Variants in UGT1A6 observed in about 807,000 individuals in gnomAD.
UGT1A6 encodes the protein UDP-glucuronosyltransferase 1A6.
A neutral mutation model predicts 44.4 loss-of-function variants in UGT1A6; 32 were observed. That is an observed-to-expected ratio of 0.72 (90% CI 0.54 to 0.97). UGT1A6 has a LOEUF of 0.97. Among genes scored for constraint, UGT1A6 ranks in the 50% least tolerant of loss-of-function variants. The pLI, the probability that UGT1A6 is intolerant of heterozygous loss-of-function variation, is 0.00. For missense variants in UGT1A6, 685 were observed against 661.9 expected (o/e 1.03, Z -0.38); for synonymous variants, 238 against 248.5 (o/e 0.96, Z 0.40).
intron 1 of UGT1A6, chr2:233,729,698 C>T: frequency 6.2e-7 from 1 of 1,613,936 alleles, no homozygotes; most frequent in Non-Finnish European, 8.5e-7. Flanking sequence ...CCAAACCCTT[C>T]CTCCTATATT....
At chr2:233,768,519 GC>G (rs1699633874) in intron 4 of UGT1A6, 80 bp downstream of exon 4, 1 of 1,531,284 alleles carries the variant, frequency 6.5e-7, no homozygotes, top group East Asian at 2.5e-5. Flanking sequence ...CATTTACGTA[GC>G]ATTTAATAGC....
intron 1 of UGT1A6, chr2:233,743,892 C>A (rs1369437404): frequency 1.5e-6 from 2 of 1,366,886 alleles, no homozygotes; most frequent in Non-Finnish European, 2.0e-6. Flanking sequence ...CGGGGCACGT[C>A]CAGCACCTCG....
At chr2:233,743,723 T>C (rs1252847371) in intron 1 of UGT1A6, 5 of 1,367,380 alleles carry the variant, frequency 3.7e-6, no homozygotes, top group South Asian at 2.3e-5. Flanking sequence ...ATAGCGGTCA[T>C]AGATATCGCG....
rs932352286 is a variant in UGT1A6, at chr2:233,700,062, G to T, written c.861+6197G>T. Among the ~76,000 whole-genome samples the T allele has an allele frequency of 5.3e-5, 8 of 152,146 alleles. 1 individual carries two copies. Among genetic ancestry groups the T allele is most frequent in the Non-Finnish European group, 8.8e-5 (6 of 68,028 alleles). On this transcript the variant is annotated intron_variant, in intron 1 of 4. Coordinates refer to ENST00000305139, the MANE Select transcript of UGT1A6 (RefSeq NM_001072.4). ...AAATCAATTCCAAGTGAATCCAGTGGTGTCTACCCAGCAAGGCCCCCAGCC... is the reference window on the plus strand; with the variant it reads ...AAATCAATTCCAAGTGAATCCAGTGTTGTCTACCCAGCAAGGCCCCCAGCC...
intron 1 of UGT1A6, among the ~76,000 whole-genome samples, chr2:233,740,449 G>A (rs1478518118): frequency 1.3e-5 from 2 of 151,974 alleles, no homozygotes; most frequent in African/African-American, 4.9e-5. Flanking sequence ...AATCAGAGGA[G>A]AAGAAGATGA....
At chr2:233,744,603 G>A (rs894598694) in intron 1 of UGT1A6, among the ~76,000 whole-genome samples, 6 of 151,902 alleles carry the variant, frequency 3.9e-5, no homozygotes, top group African/African-American at 9.7e-5. Context: ...TCTCTCTTTA[G>A]TACTTGGCTC....
chr2:233,763,503 T>C (rs1459749644), intron 1 of UGT1A6, among the ~76,000 whole-genome samples: 1 of 152,236 alleles, frequency 6.6e-6, no homozygotes, highest in Admixed American at 6.5e-5. Flanking sequence ...GTTTACTTTA[T>C]GTTTAGTTGA....
chr2:233,734,624 C>A (rs1319602311), intron 1 of UGT1A6, among the ~76,000 whole-genome samples: 1 of 152,146 alleles, frequency 6.6e-6, no homozygotes, highest in Non-Finnish European at 1.5e-5. Flanking sequence ...GATTTTAGAT[C>A]TTTCCTGCTT....
At chr2:233,772,118 A>G (rs186997429) in intron 4 of UGT1A6, 144 bp from the exon 5 acceptor site, 177 of 1,520,864 alleles carry the variant, frequency 1.2e-4, no homozygotes, top group Non-Finnish European at 1.4e-4. Flanking sequence ...GTATCTAAAA[A>G]CAACAACAAC....
chr2:233,731,781 A>G (rs2078203894), intron 1 of UGT1A6, among the ~76,000 whole-genome samples: 1 of 152,164 alleles, frequency 6.6e-6, no homozygotes, highest in Admixed American at 6.5e-5. Context: ...ATCATTTATA[A>G]TCGTTTGGGT....
At chr2:233,747,089 AC>A in intron 1 of UGT1A6, 1 of 1,215,556 alleles carries the variant, frequency 8.2e-7, no homozygotes, top group Non-Finnish European at 1.1e-6. Context: ...GGAGGAGAGC[AC>A]TCTATCTTCC....
Position 233,693,122 on chromosome 2 carries a change from C to T in UGT1A6, c.118C>T (p.Leu40Phe). 3.7e-6 allele frequency: 6 copies of T among 1,614,092 alleles called. No homozygotes were observed. The highest frequency in any genetic ancestry group is 5.1e-6 in the Non-Finnish European group (6 of 1,180,034). The change falls in exon 1 of 5, where the codon CTT becomes TTT. Residue 40 changes from leucine to phenylalanine, a missense_variant. Physicochemically the swap from Leu to Phe is conservative, Grantham distance 22 (BLOSUM62 0). Transcript: ENST00000305139. ...GGTCCCTCAGGACGGAAGCCACTGGCTTAGTATGAAGGATATAGTTGAGGT... is the reference window on the plus strand; with the variant it reads ...GGTCCCTCAGGACGGAAGCCACTGGTTTAGTATGAAGGATATAGTTGAGGT... ...LVVPQDGSHW[L>F]SMKDIVEVLS...
chr2:233,726,424 A>G (rs540459966), intron 1 of UGT1A6, among the ~76,000 whole-genome samples: 1 of 151,962 alleles, frequency 6.6e-6, no homozygotes, highest in East Asian at 1.9e-4. Flanking sequence ...GATTCTGTCC[A>G]CTCTTAATCT....
intron 1 of UGT1A6, among the ~76,000 whole-genome samples, chr2:233,738,182 G>A (rs913308909): frequency 7.9e-5 from 12 of 152,164 alleles, no homozygotes; most frequent in African/African-American, 2.9e-4. Flanking sequence ...TGTAAGACGT[G>A]TCTTTGCCTC....
chr2:233,723,522 T>TC (rs2077093722), intron 1 of UGT1A6, among the ~76,000 whole-genome samples: 1 of 114,298 alleles, frequency 8.7e-6, no homozygotes. Flanking sequence ...CAATCTTTTT[T>TC]TTTTTTTTTT....
intron 1 of UGT1A6, among the ~76,000 whole-genome samples, chr2:233,750,926 G>A (rs939892463): frequency 5.3e-5 from 8 of 151,868 alleles, no homozygotes; most frequent in African/African-American, 1.9e-4. Flanking sequence ...AAAGAAATGT[G>A]AGGTTGGAGC....
chr2:233,704,953 TG>T (rs1223783947), intron 1 of UGT1A6, among the ~76,000 whole-genome samples: 1 of 152,054 alleles, frequency 6.6e-6, no homozygotes, highest in African/African-American at 2.4e-5. Flanking sequence ...CTGGCCAACA[TG>T]GTGAAACCCC....
chr2:233,724,246 C>T (rs1219453844), intron 1 of UGT1A6, among the ~76,000 whole-genome samples: 28 of 121,870 alleles, frequency 2.3e-4, no homozygotes, highest in African/African-American at 8.0e-4. Context: ...CGGGCAGAGG[C>T]GCCCCTCACC....
intron 1 of UGT1A6, among the ~76,000 whole-genome samples, chr2:233,750,311 G>A (rs1694421303): frequency 6.6e-6 from 1 of 151,966 alleles, no homozygotes; most frequent in Admixed American, 6.5e-5. Flanking sequence ...CTAGAGATCT[G>A]TGGAACTTTG....
Sources: allele counts gnomAD v4.1 joint callset (sites outside exome capture counted in the v4.1 genomes callset), GRCh38; gene constraint gnomAD v4.1.1; transcripts MANE v1.5; gene names NCBI Gene and HGNC (gene_info 2026-07-23, HGNC 2026-07-21).